The following MIDEAS variants were observed in gnomAD, a reference collection of about 807,000 sequenced individuals.
MIDEAS encodes the protein mitotic deacetylase-associated SANT domain protein.
In MIDEAS, 26 loss-of-function variants were observed where a neutral mutation model predicts 102.7. The observed-to-expected ratio is 0.25, with a 90% confidence interval of 0.19 to 0.35. The LOEUF (loss-of-function observed/expected upper bound fraction) is 0.35, where lower values mean the gene tolerates loss of function less well. MIDEAS is among the 10% of genes least tolerant of loss of function. MIDEAS has a pLI of 1.00. For synonymous variants in MIDEAS, 585 were observed against 591.0 expected (o/e 0.99, Z 0.15); for missense variants, 1,231 against 1,435.6 (o/e 0.86, Z 2.30).
chr14:73,727,091 G>A lies in MIDEAS; in HGVS notation c.2163-119C>T, dbSNP rs1005279819. On this transcript the variant is annotated intron_variant, in intron 5 of 12. Transcript: ENST00000423556. ...CGGCAGAGCAAGGCCTCAGCTAGGT[G>A]TAGGGAGTCTGGCTTCTAGGGGCTT... The A allele has an allele frequency of 3.1e-6, 4 of 1,305,908 alleles. No individual in the cohort carries two copies. In the African/African-American group the frequency reaches 5.9e-5, roughly 19 times the overall value. The allele number at this position is 1,305,908 out of a possible 1,614,324, so 80.9% of individuals were successfully genotyped here.
chr14:73,748,423 C>T (rs958450030), intron 1 of MIDEAS, among the ~76,000 whole-genome samples: 1 of 152,072 alleles, frequency 6.6e-6, no homozygotes, highest in Non-Finnish European at 1.5e-5. Context: ...CCCAGCTACT[C>T]GGGAGGCTGA....
At chr14:73,734,512 A>G (rs2053178379) in intron 3 of MIDEAS, among the ~76,000 whole-genome samples, 1 of 152,110 alleles carries the variant, frequency 6.6e-6, no homozygotes, top group African/African-American at 2.4e-5. Context: ...GGCTCAAGCG[A>G]TCCTCCCACC....
At chr14:73,778,378 G>A (rs1190674798) in intron 1 of MIDEAS, among the ~76,000 whole-genome samples, 4 of 150,394 alleles carry the variant, frequency 2.7e-5, no homozygotes, top group Admixed American at 6.6e-5. Flanking sequence ...AAAAAAAAAC[G>A]TGATGGGGAA....
chr14:73,719,949 C>T (rs1469177195), intron 11 of MIDEAS, among the ~76,000 whole-genome samples: 1 of 151,842 alleles, frequency 6.6e-6, no homozygotes, highest in Admixed American at 6.6e-5. Flanking sequence ...GGGACAGATG[C>T]GCAGGTAGCT....
chr14:73,719,607 C>A (rs972849091), intron 11 of MIDEAS, 106 bp from the exon 12 acceptor site: 13 of 1,135,334 alleles, frequency 1.1e-5, no homozygotes, highest in African/African-American at 1.6e-5. Context: ...ATATTCCTGC[C>A]AAACAGTCAC....
intron 1 of MIDEAS, among the ~76,000 whole-genome samples, chr14:73,778,253 G>A (rs1301437251): frequency 1.3e-5 from 2 of 151,810 alleles, no homozygotes; most frequent in Admixed American, 6.6e-5. Flanking sequence ...TACTCTGGAG[G>A]CTGAGGCAGG....
chr14:73,756,295 T>TGTGCGCGC (rs55692592), intron 1 of MIDEAS, among the ~76,000 whole-genome samples: 1,410 of 127,650 alleles, frequency 0.011, 11 homozygotes, highest in East Asian at 0.024. Context: ...TGTGTGTGTG[T>TGTGCGCGC]GCGCGCGCGC....
chr14:73,717,445 C>T lies in MIDEAS; in HGVS notation c.*1398G>A, dbSNP rs2052908611. The T allele has an allele frequency of 6.6e-6, 1 of 152,286 alleles. No individual in the cohort carries two copies. Among genetic ancestry groups the T allele is most frequent in the Non-Finnish European group, 1.5e-5 (1 of 68,074 alleles). The allele number at this position is 152,286 out of a possible 1,614,324, so 9.4% of individuals were successfully genotyped here. A position where few individuals can be genotyped will look rare whatever the true frequency, so the allele number is the denominator to read the frequency against. ...ATTCTGGCCTCTTGCCAACTCTTCC[C>T]TCAGGCAAAGCACAGCCAGAGAAGG... On this transcript the variant is annotated 3_prime_UTR_variant, in exon 13 of 13. Coordinates refer to ENST00000423556, the MANE Select transcript of MIDEAS (RefSeq NM_001367710.1).
chr14:73,739,792 G>A lies in MIDEAS; in HGVS notation c.217C>T (p.Leu73=), dbSNP rs1307224447. The A allele has an allele frequency of 1.2e-6, 2 of 1,613,622 alleles. No individual in the cohort carries two copies. The highest frequency in any genetic ancestry group is 1.1e-5 in the South Asian group (1 of 91,074). Residue 73 remains leucine (L), a synonymous_variant, in exon 2 of 13, where the codon CTG becomes TTG. Transcript: ENST00000423556. ...ELPPPSSLAL[L]NSVVYGPERT... ...TCAGGCCCATATACCACAGAGTTCAGCAGGGCCAGGCTGCTAGGAGGGGGC... is the reference window on the plus strand; with the variant it reads ...TCAGGCCCATATACCACAGAGTTCAACAGGGCCAGGCTGCTAGGAGGGGGC...
chr14:73,721,607 G>T, intron 10 of MIDEAS, 98 bp from the exon 11 acceptor site: 1 of 1,095,040 alleles, frequency 9.1e-7, no homozygotes, highest in Non-Finnish European at 1.4e-6. Flanking sequence ...GCCCCAGCTA[G>T]TCCTGCTCGC....
rs1478437202 is a variant in MIDEAS at position 73,725,262 on chromosome 14, C to G, written c.2574+10G>C. 1 of 1,612,834 alleles carries G rather than the reference C, an allele frequency of 6.2e-7. No individual in the cohort carries two copies. The highest frequency in any genetic ancestry group is 1.7e-5 in the Admixed American group (1 of 60,024). ...GGCCCTCATTTGCCCTGAAACAGAG[C>G]CCAGCTCACCAGCTTCTGCACCAGG... On this transcript the variant is annotated intron_variant, in intron 9 of 12. Transcript: ENST00000423556. The surrounding 1 kb of genome is among the most constrained non-coding windows in gnomAD (Gnocchi z 4.1).
rs1246934468 is a variant in MIDEAS at position 73,724,207 on chromosome 14, G to C, written c.2574+1065C>G. 2.6e-5 allele frequency: 4 copies of C among 152,318 alleles called. No homozygotes were observed. In the East Asian group the frequency reaches 7.7e-4, roughly 29 times the overall value. 9.4% of individuals were successfully genotyped at this position (152,318 alleles called of 1,614,324 possible). A position where few individuals can be genotyped will look rare whatever the true frequency, so the allele number is the denominator to read the frequency against. On this transcript the variant is annotated intron_variant, in intron 9 of 12. Transcript: ENST00000423556. ...TTTTTGGGCAACTTTCCCACACCCAGAGGCTGTTTCCTCTGACACCACCAC... is the reference window on the plus strand; with the variant it reads ...TTTTTGGGCAACTTTCCCACACCCACAGGCTGTTTCCTCTGACACCACCAC...
intron 1 of MIDEAS, among the ~76,000 whole-genome samples, chr14:73,779,001 A>G (rs1031100803): frequency 4.6e-5 from 7 of 152,028 alleles, no homozygotes; most frequent in African/African-American, 1.7e-4. Context: ...CAAGCTTAGC[A>G]GAAGACAGAA....
At chr14:73,719,729 G>A (rs1383737082) in intron 11 of MIDEAS, among the ~76,000 whole-genome samples, 1 of 151,682 alleles carries the variant, frequency 6.6e-6, no homozygotes, top group Non-Finnish European at 1.5e-5. Flanking sequence ...ATTCTGTGGG[G>A]CAGCCCGAGC....
At chr14:73,741,693 GC>G (rs2053283252) in intron 1 of MIDEAS, among the ~76,000 whole-genome samples, 1 of 152,140 alleles carries the variant, frequency 6.6e-6, no homozygotes, top group Non-Finnish European at 1.5e-5. Context: ...CCTGGAGCCT[GC>G]CTGCCTCCTG....
chr14:73,734,685 C>T (rs912370214), intron 3 of MIDEAS, among the ~76,000 whole-genome samples: 2 of 151,904 alleles, frequency 1.3e-5, no homozygotes, highest in Admixed American at 6.6e-5. Context: ...CCTGCCTTGG[C>T]CCCCCCAAAG....
Position 73,729,796 on chromosome 14 carries a change from G to A in MIDEAS, c.1939C>T (p.Arg647Trp). The change falls in exon 4 of 13, where the codon CGG becomes TGG. Residue 647 changes from arginine to tryptophan, a missense_variant. Physicochemically the swap from Arg to Trp is moderately radical, Grantham distance 101. Transcript: ENST00000423556. ...PVRLADHPSERSFELPPYTPP... is the reference protein window; with the variant it reads ...PVRLADHPSEWSFELPPYTPP... ...GTGTAGGGAGGTAGCTCAAAGCTCCGCTCAGAGGGGTGGTCAGCTAGGCGC... is the reference window on the plus strand; with the variant it reads ...GTGTAGGGAGGTAGCTCAAAGCTCCACTCAGAGGGGTGGTCAGCTAGGCGC... 1.2e-6 allele frequency: 2 copies of A among 1,614,052 alleles called. No individual in the cohort carries two copies. The highest frequency in any genetic ancestry group is 1.7e-6 in the Non-Finnish European group (2 of 1,180,036).
At chr14:73,719,111 ACAGCCGCGGCCGGC>A in intron 12 of MIDEAS, 103 bp from the exon 13 acceptor site, 1 of 1,457,800 alleles carries the variant, frequency 6.9e-7, no homozygotes, top group Non-Finnish European at 9.0e-7. Context: ...CCCACGCTGC[ACAGCCGCGGCCGGC>A]CAGCTCGCGT....
chr14:73,783,037 T>G (rs1332354060), intron 1 of MIDEAS, among the ~76,000 whole-genome samples: 1 of 152,114 alleles, frequency 6.6e-6, no homozygotes, highest in Non-Finnish European at 1.5e-5. Flanking sequence ...TTGCTATGAG[T>G]GGGGCACCAG....
Sources: allele counts gnomAD v4.1 joint callset (sites outside exome capture counted in the v4.1 genomes callset), GRCh38; gene constraint gnomAD v4.1.1; non-coding constraint Gnocchi (gnomAD v3.1); transcripts MANE v1.5; gene names NCBI Gene and HGNC (gene_info 2026-07-23, HGNC 2026-07-21).